The following TUSC3 variants were observed in gnomAD, a reference collection of about 807,000 sequenced individuals.
TUSC3 encodes the protein dolichyl-diphosphooligosaccharide--protein glycosyltransferase subunit TUSC3.
A neutral mutation model predicts 44.8 loss-of-function variants in TUSC3; 45 were observed. That is an observed-to-expected ratio of 1.00 (90% CI 0.79 to 1.29). TUSC3 has a LOEUF of 1.29. TUSC3 is among the 50% of genes most tolerant of loss of function. The probability of loss-of-function intolerance (pLI) is 0.00; values close to 1 mark genes in which losing one functional copy is unlikely to be tolerated. For missense variants in TUSC3, 519 were observed against 437.9 expected (o/e 1.19, Z -1.65); for synonymous variants, 212 against 152.9 (o/e 1.39, Z -2.85).
At chr8:15,734,034 C>A (rs1476623799) in intron 7 of TUSC3, among the ~76,000 whole-genome samples, 1 of 151,968 alleles carries the variant, frequency 6.6e-6, no homozygotes, top group Middle Eastern at 3.2e-3. Flanking sequence ...TAGAGTGAGA[C>A]CCCGTCTCCA....
the TUSC3 span, among the ~76,000 whole-genome samples, chr8:15,817,969 T>G: frequency 6.6e-6 from 1 of 151,966 alleles, no homozygotes; most frequent in East Asian, 1.9e-4. Context: ...CCGGTGACTC[T>G]AGGAATGGAA....
chr8:15,532,552 TAAG>T (rs1164174042), intron 2 of TUSC3, among the ~76,000 whole-genome samples: 4 of 151,872 alleles, frequency 2.6e-5, no homozygotes, highest in African/African-American at 7.2e-5. Context: ...GGGGAGAGAG[TAAG>T]AAGTTTAAAA....
intron 1 of TUSC3, among the ~76,000 whole-genome samples, chr8:15,566,210 G>A (rs938325025): frequency 1.3e-5 from 2 of 152,070 alleles, no homozygotes; most frequent in Non-Finnish European, 2.9e-5. Flanking sequence ...CTTTTGCCAT[G>A]ACTAGACTAA....
At chr8:15,795,438 TC>T in the TUSC3 span, among the ~76,000 whole-genome samples, 6 of 152,302 alleles carry the variant, frequency 3.9e-5, no homozygotes, top group Admixed American at 3.9e-4. Context: ...TTGGAGGACT[TC>T]CAATGCACAG....
rs527410674 is a variant in TUSC3 at position 15,429,847 on chromosome 8, A to G, written n.91+12542A>G. Among the ~76,000 whole-genome samples the G allele has an allele frequency of 5.3e-5, 8 of 151,910 alleles. No individual in the cohort carries two copies. The East Asian group carries it at 9.6e-4, about 18-fold the overall frequency. ...ACAAACTACCATCAGAGAATACTAT[A>G]AACACCTCTATGCAAATAAACTAGA... On this transcript the variant is annotated intron_variant and non_coding_transcript_variant, in intron 1 of 5. Coordinates refer to the TUSC3 transcript ENST00000503191.
At chr8:15,633,181 T>C (rs1805898839) in intron 2 of TUSC3, among the ~76,000 whole-genome samples, 1 of 152,170 alleles carries the variant, frequency 6.6e-6, no homozygotes, top group Admixed American at 6.5e-5. Flanking sequence ...ATTACGTGTT[T>C]TCTTCTCTCT....
chr8:15,463,577 G>A lies in TUSC3; in HGVS notation n.92-19809G>A, dbSNP rs550147309. Among the ~76,000 whole-genome samples the A allele has an allele frequency of 1.4e-4, 22 of 152,290 alleles. 1 individual carries two copies. The highest frequency in any genetic ancestry group is 5.1e-4 in the African/African-American group (21 of 41,584). ...GGCAGGAAGGTAATAGAATGGTCTAGTGGCTCTTCATATTGTTTAATGGGC... is the reference window on the plus strand; with the variant it reads ...GGCAGGAAGGTAATAGAATGGTCTAATGGCTCTTCATATTGTTTAATGGGC... On this transcript the variant is annotated intron_variant and non_coding_transcript_variant, in intron 1 of 5. Transcript: ENST00000503191.
intron 1 of TUSC3, among the ~76,000 whole-genome samples, chr8:15,433,361 T>C (rs529968505): frequency 1.3e-5 from 2 of 152,250 alleles, no homozygotes; most frequent in Admixed American, 1.3e-4. Context: ...TTTTAAAAAT[T>C]TTTCTTCTTA....
intron 1 of TUSC3, among the ~76,000 whole-genome samples, chr8:15,423,978 T>TGTTTTG: frequency 9.4e-6 from 1 of 106,778 alleles, no homozygotes; most frequent in Non-Finnish European, 2.0e-5. Context: ...TGTTTTTTTT[T>TGTTTTG]TTTTTTTTTT....
At chr8:15,438,223 C>A (rs555747343) in intron 1 of TUSC3, among the ~76,000 whole-genome samples, 1 of 152,090 alleles carries the variant, frequency 6.6e-6, no homozygotes, top group South Asian at 2.1e-4. Context: ...GCCTCCCAAG[C>A]AGCTAGGATT....
chr8:15,850,094 C>A, the TUSC3 span, among the ~76,000 whole-genome samples: 1 of 144,278 alleles, frequency 6.9e-6, no homozygotes, highest in East Asian at 2.0e-4. Flanking sequence ...TTATCAAACT[C>A]TTAGATCTTG....
At chr8:15,437,747 T>C (rs1462316543) in intron 1 of TUSC3, among the ~76,000 whole-genome samples, 3 of 152,180 alleles carry the variant, frequency 2.0e-5, no homozygotes, top group African/African-American at 4.8e-5. Flanking sequence ...AGTAGAAATA[T>C]TGTTTGCTCA....
intron 6 of TUSC3, among the ~76,000 whole-genome samples, chr8:15,683,598 C>T (rs1452353125): frequency 6.6e-6 from 1 of 152,084 alleles, no homozygotes; most frequent in African/African-American, 2.4e-5. Flanking sequence ...TCTCATTGAG[C>T]TTCTTTGCCG....
intron 1 of TUSC3, among the ~76,000 whole-genome samples, chr8:15,598,938 A>T (rs1379741482): frequency 1.3e-5 from 2 of 151,766 alleles, no homozygotes; most frequent in Non-Finnish European, 2.9e-5. Flanking sequence ...TAAGTGTTCA[A>T]TTCCTTTTGA....
chr8:15,547,263 G>A (rs1238772309), intron 1 of TUSC3, among the ~76,000 whole-genome samples: 1 of 151,514 alleles, frequency 6.6e-6, no homozygotes, highest in African/African-American at 2.4e-5. Flanking sequence ...GATTTTAGAA[G>A]TATAATTTTT....
chr8:15,551,320 G>C (rs1310631048), intron 1 of TUSC3, among the ~76,000 whole-genome samples: 1 of 151,604 alleles, frequency 6.6e-6, no homozygotes, highest in Non-Finnish European at 1.5e-5. Context: ...GTAATAGAAT[G>C]ATTTATGGTA....
chr8:15,669,910 G>GA (rs1373438265), intron 5 of TUSC3, among the ~76,000 whole-genome samples: 13 of 149,806 alleles, frequency 8.7e-5, no homozygotes, highest in African/African-American at 1.7e-4. Flanking sequence ...TTTGTACATA[G>GA]AAAAAAAAAT....
At chr8:15,475,982 T>C (rs749757768) in intron 1 of TUSC3, among the ~76,000 whole-genome samples, 3 of 152,194 alleles carry the variant, frequency 2.0e-5, no homozygotes, top group Non-Finnish European at 4.4e-5. Context: ...AACAACATAA[T>C]GAGGGTCTTC....
At chr8:15,700,849 CTT>C (rs71211076) in intron 6 of TUSC3, among the ~76,000 whole-genome samples, 139 of 90,496 alleles carry the variant, frequency 1.5e-3, no homozygotes, top group Middle Eastern at 7.5e-3. Flanking sequence ...ATGGCTGGAG[CTT>C]TTTTTTTTTT....
Sources: allele counts gnomAD v4.1 joint callset (sites outside exome capture counted in the v4.1 genomes callset), GRCh38; gene constraint gnomAD v4.1.1; transcripts MANE v1.5; gene names NCBI Gene and HGNC (gene_info 2026-07-23, HGNC 2026-07-21).